The following GOLM1 variants were observed in gnomAD, a reference collection of about 807,000 sequenced individuals.
The protein encoded by GOLM1 is golgi membrane protein 1, also known as epididymis luminal protein 46.
In GOLM1, 31 loss-of-function variants were observed where a neutral mutation model predicts 50.5. The observed-to-expected ratio is 0.61, with a 90% confidence interval of 0.46 to 0.83. GOLM1 has a LOEUF of 0.83. Among genes scored for constraint, GOLM1 ranks in the 40% least tolerant of loss-of-function variants. GOLM1 has a pLI of 0.00. For synonymous variants in GOLM1, 178 were observed against 192.8 expected (o/e 0.92, Z 0.64); for missense variants, 491 against 501.3 (o/e 0.98, Z 0.20).
In GOLM1 at chr9:86,035,571, G is replaced by T. The variant is rs745694988; in HGVS notation, c.812C>A (p.Pro271Gln). The change falls in exon 8 of 10, where the codon CCG (proline) becomes CAG (glutamine). Residue 271 changes from proline to glutamine, a missense_variant. Physicochemically the swap from Pro to Gln is moderately conservative, Grantham distance 76 (BLOSUM62 -1). Transcript: ENST00000388712. ...VNEEPQRDRL[P>Q]QEPGREQVVE... ...CACCTGCTCCCGGCCTGGCTCCTGC[G>T]GCAGCCTGTCCCTCTGAGGCTCCTC... 12 of 1,608,126 alleles carry T rather than the reference G, an allele frequency of 7.5e-6. No individual in the cohort carries two copies. The highest frequency in any genetic ancestry group is 1.0e-5 in the Non-Finnish European group (12 of 1,179,302).
chr9:86,073,617 G>T (rs1563963812), intron 3 of GOLM1, among the ~76,000 whole-genome samples: 1 of 152,106 alleles, frequency 6.6e-6, no homozygotes, highest in African/African-American at 2.4e-5. Flanking sequence ...AGAGAAGGGG[G>T]AAAGGCACCA....
intron 3 of GOLM1, among the ~76,000 whole-genome samples, chr9:86,059,761 G>A (rs1834099417): frequency 6.6e-6 from 1 of 151,936 alleles, no homozygotes; most frequent in Non-Finnish European, 1.5e-5. Context: ...TGGGCATGGT[G>A]GCACCTGTAA....
In GOLM1 at chr9:86,033,503, C is replaced by T. The variant is rs879449342; in HGVS notation, c.1016-108G>A. On this transcript the variant is annotated intron_variant, in intron 8 of 9. Coordinates refer to ENST00000388712, the MANE Select transcript of GOLM1 (RefSeq NM_016548.4). ...TAGCCATACTTGCTCACAATCAGAT[C>T]TGTCTGCTGCCTCTCTGGAAATGGT... 1.3e-5 allele frequency: 9 copies of T among 687,120 alleles called. No individual in the cohort carries two copies. In the Admixed American group the frequency reaches 2.1e-4, roughly 16 times the overall value. The allele number at this position is 687,120 out of a possible 1,614,324, so 42.6% of individuals were successfully genotyped here.
At chr9:86,083,210 G>A (rs1834839432) in intron 1 of GOLM1, among the ~76,000 whole-genome samples, 1 of 152,216 alleles carries the variant, frequency 6.6e-6, no homozygotes, top group African/African-American at 2.4e-5. Context: ...GGCATACTAT[G>A]TGAATCCAAC....
At chr9:86,087,187 C>G (rs371101840) in intron 1 of GOLM1, among the ~76,000 whole-genome samples, 1 of 152,116 alleles carries the variant, frequency 6.6e-6, no homozygotes, top group South Asian at 2.1e-4. Context: ...AAGTTGTACT[C>G]TTAGGTATTT....
At chr9:86,036,637 G>A (rs1298272214) in intron 6 of GOLM1, 130 bp from the exon 7 acceptor site, 9 of 891,094 alleles carry the variant, frequency 1.0e-5, no homozygotes, top group East Asian at 2.6e-5. Flanking sequence ...CCCGAGAAAC[G>A]CCACAGTCTA....
intron 1 of GOLM1, among the ~76,000 whole-genome samples, chr9:86,091,580 A>G (rs1835187340): frequency 6.6e-6 from 1 of 152,150 alleles, no homozygotes; most frequent in Non-Finnish European, 1.5e-5. Context: ...CTTTTTCTTA[A>G]AGAGATGGAA....
At chr9:86,046,982 T>G (rs1833567476) in intron 4 of GOLM1, among the ~76,000 whole-genome samples, 1 of 141,298 alleles carries the variant, frequency 7.1e-6, no homozygotes, top group Non-Finnish European at 1.5e-5. Flanking sequence ...TGTAAAACAC[T>G]GATTTTTGAT....
rs1490926126 is a variant in GOLM1, at chr9:86,033,269, GCC to G, written c.1129+11_1129+12del. 2.9e-6 allele frequency: 4 copies of G among 1,400,432 alleles called. No homozygotes were observed. The highest frequency in any genetic ancestry group is 3.0e-6 in the Non-Finnish European group (3 of 984,540). The allele number at this position is 1,400,432 out of a possible 1,614,324, so 86.8% of individuals were successfully genotyped here. A position where few individuals can be genotyped will look rare whatever the true frequency, so the allele number is the denominator to read the frequency against. On this transcript the variant is annotated intron_variant, in intron 9 of 9. Coordinates refer to ENST00000388712, the MANE Select transcript of GOLM1 (RefSeq NM_016548.4). ...AAAGGTGACCTCGTCACCGATGTAG[GCC>G]CCATTCTTACCATCTATGTTTCTGT...
intron 5 of GOLM1, among the ~76,000 whole-genome samples, chr9:86,045,745 A>G (rs1053207265): frequency 3.9e-5 from 6 of 152,036 alleles, no homozygotes; most frequent in African/African-American, 1.5e-4. Context: ...AAATGATTAA[A>G]TTTTTTTGAT....
At chr9:86,045,212 G>A (rs1454979660) in intron 5 of GOLM1, among the ~76,000 whole-genome samples, 5 of 151,584 alleles carry the variant, frequency 3.3e-5, no homozygotes, top group Non-Finnish European at 2.9e-5. Flanking sequence ...AACCCCGGGC[G>A]TGGTGGTGGG....
intron 9 of GOLM1, among the ~76,000 whole-genome samples, chr9:86,031,275 A>G (rs183128070): frequency 9.9e-5 from 15 of 152,138 alleles, no homozygotes; most frequent in Admixed American, 7.9e-4. Context: ...AGTAGTTGTT[A>G]CAACGACTCC....
intron 5 of GOLM1, among the ~76,000 whole-genome samples, chr9:86,044,157 C>G (rs1417844389): frequency 6.6e-6 from 1 of 152,192 alleles, no homozygotes; most frequent in Non-Finnish European, 1.5e-5. Flanking sequence ...TAGCAGCCTC[C>G]TTGTAAGCCA....
chr9:86,097,868 C>T (rs1463723421), intron 1 of GOLM1, among the ~76,000 whole-genome samples: 1 of 152,134 alleles, frequency 6.6e-6, no homozygotes, highest in Non-Finnish European at 1.5e-5. Context: ...ACTGTTGTTT[C>T]TGCCCAGCCC....
intron 1 of GOLM1, among the ~76,000 whole-genome samples, chr9:86,080,517 A>T (rs2118857881): frequency 6.6e-6 from 1 of 152,308 alleles, no homozygotes; most frequent in Non-Finnish European, 1.5e-5. Flanking sequence ...AAGGAAGAGG[A>T]TACCACCAAG....
chr9:86,050,530 T>C (rs1461190509), intron 4 of GOLM1, among the ~76,000 whole-genome samples: 2 of 152,178 alleles, frequency 1.3e-5, no homozygotes, highest in Non-Finnish European at 2.9e-5. Context: ...ATTATTGCCT[T>C]AATTTCAGAG....
chr9:86,030,373 A>T (rs1402627223), intron 9 of GOLM1, among the ~76,000 whole-genome samples: 1 of 152,186 alleles, frequency 6.6e-6, no homozygotes, highest in African/African-American at 2.4e-5. Flanking sequence ...TTGCCTTTTT[A>T]AAAAATTGCC....
chr9:86,085,518 T>A (rs1180403893), intron 1 of GOLM1, among the ~76,000 whole-genome samples: 1 of 147,436 alleles, frequency 6.8e-6, no homozygotes, highest in Non-Finnish European at 1.5e-5. Flanking sequence ...CTGGGATACA[T>A]GTGCAAAACG....
chr9:86,088,572 GT>G (rs71505776), intron 1 of GOLM1, among the ~76,000 whole-genome samples: 56 of 108,788 alleles, frequency 5.1e-4, no homozygotes, highest in Admixed American at 2.5e-3. Flanking sequence ...TCCTGGTTTT[GT>G]TTTTTTTTTT....
Sources: gnomAD v4.1 joint callset for allele counts (sites outside exome capture counted in the v4.1 genomes callset) on GRCh38, gnomAD v4.1.1 for gene constraint, MANE v1.5 for transcripts, NCBI Gene and HGNC (gene_info 2026-07-23, HGNC 2026-07-21) for gene names.